TBC1D8: variants seen among roughly 807,000 people sequenced by gnomAD.
TBC1D8 encodes the protein TBC1 domain family member 8, also known as BUB2-like protein 1.
Under a neutral mutation model 118.8 loss-of-function variants are expected in TBC1D8, and 65 were observed. The ratio of observed to expected loss-of-function variants is 0.55; its 90% CI spans 0.45 to 0.67. TBC1D8 has a LOEUF of 0.67. TBC1D8 is among the 30% of genes least tolerant of loss of function. The pLI is 0.00. For synonymous variants in TBC1D8, 566 were observed against 595.8 expected (o/e 0.95, Z 0.73); for missense variants, 1,376 against 1,471.2 (o/e 0.94, Z 1.06).
At chr2:101,136,098 G>T (rs187619989) in intron 1 of TBC1D8, among the ~76,000 whole-genome samples, 9 of 152,064 alleles carry the variant, frequency 5.9e-5, no homozygotes, top group African/African-American at 2.2e-4. Context: ...AAGTGATCCG[G>T]CAGCCTCTGC....
intron 17 of TBC1D8, chr2:101,019,099 T>C: frequency 1.3e-6 from 2 of 1,572,362 alleles, no homozygotes; most frequent in Non-Finnish European, 1.7e-6. Context: ...CTTCCTGAGC[T>C]GCAGCAGATG....
At chr2:101,133,700 T>C (rs1296255730) in intron 1 of TBC1D8, among the ~76,000 whole-genome samples, 12 of 152,178 alleles carry the variant, frequency 7.9e-5, no homozygotes, top group African/African-American at 1.9e-4. Context: ...CCAAGGAATC[T>C]ACCTCCAGTA....
chr2:101,033,798 T>G (rs1289604926), intron 9 of TBC1D8, 40 bp from the exon 10 acceptor site: 1 of 1,584,686 alleles, frequency 6.3e-7, no homozygotes, highest in East Asian at 2.3e-5. Context: ...GAATGATTAC[T>G]AGGATGGTGT....
At chr2:101,058,590 A>G (rs1682574751) in intron 3 of TBC1D8, among the ~76,000 whole-genome samples, 1 of 152,216 alleles carries the variant, frequency 6.6e-6, no homozygotes, top group Non-Finnish European at 1.5e-5. Flanking sequence ...TGTAACTCAC[A>G]GGAGGTATCA....
At chr2:101,140,643 T>A (rs1315730302) in intron 1 of TBC1D8, among the ~76,000 whole-genome samples, 4 of 151,952 alleles carry the variant, frequency 2.6e-5, no homozygotes, top group Admixed American at 6.6e-5. Flanking sequence ...ACACAAACAG[T>A]CCCCTTATTC....
chr2:101,033,211 G>A (rs1431468516), intron 10 of TBC1D8, among the ~76,000 whole-genome samples: 1 of 151,556 alleles, frequency 6.6e-6, no homozygotes, highest in Non-Finnish European at 1.5e-5. Context: ...GCGACTCCCT[G>A]GTTCAAGTGA....
intron 1 of TBC1D8, among the ~76,000 whole-genome samples, chr2:101,123,956 T>C (rs935309918): frequency 6.6e-6 from 1 of 152,200 alleles, no homozygotes; most frequent in African/African-American, 2.4e-5. Flanking sequence ...AGTTTTATTA[T>C]GTAGGCAGGA....
intron 4 of TBC1D8, among the ~76,000 whole-genome samples, chr2:101,052,173 G>A (rs755259070): frequency 6.6e-6 from 1 of 152,178 alleles, no homozygotes; most frequent in Non-Finnish European, 1.5e-5. Context: ...TCATGATCTC[G>A]TTCAGAGAAA....
At chr2:101,015,829 T>C (rs1174595965) in intron 17 of TBC1D8, among the ~76,000 whole-genome samples, 1 of 152,176 alleles carries the variant, frequency 6.6e-6, no homozygotes, top group African/African-American at 2.4e-5. Flanking sequence ...GGGAAAGGAT[T>C]CCCTATTTAA....
At chr2:101,118,936 G>A (rs781418582) in intron 1 of TBC1D8, among the ~76,000 whole-genome samples, 1 of 152,088 alleles carries the variant, frequency 6.6e-6, no homozygotes, top group Non-Finnish European at 1.5e-5. Flanking sequence ...ACTTAAGCCT[G>A]GAGGCAGAGG....
chr2:101,101,880 C>T (rs1280703714), intron 1 of TBC1D8, among the ~76,000 whole-genome samples: 1 of 151,948 alleles, frequency 6.6e-6, no homozygotes, highest in Non-Finnish European at 1.5e-5. Context: ...GAACAACACA[C>T]ACCAGAGCCT....
chr2:101,090,564 CT>C (rs1176658443), intron 1 of TBC1D8, among the ~76,000 whole-genome samples, 200 bp from the exon 2 acceptor site: 2 of 152,248 alleles, frequency 1.3e-5, no homozygotes, highest in African/African-American at 4.8e-5. Flanking sequence ...GGACCTGCCC[CT>C]GACAGGCACT....
At chr2:101,039,900 T>C (rs775151594) in intron 6 of TBC1D8, among the ~76,000 whole-genome samples, 7 of 152,148 alleles carry the variant, frequency 4.6e-5, no homozygotes, top group Non-Finnish European at 1.0e-4. Context: ...ATAACAGCTT[T>C]ATCAATAATG....
chr2:101,109,618 A>G (rs1182162522), intron 1 of TBC1D8, among the ~76,000 whole-genome samples: 1 of 152,048 alleles, frequency 6.6e-6, no homozygotes, highest in African/African-American at 2.4e-5. Flanking sequence ...ATAAAAAAAA[A>G]ATACTGCTGT....
intron 4 of TBC1D8, among the ~76,000 whole-genome samples, chr2:101,052,928 TTTA>T (rs1459998727): frequency 6.6e-6 from 1 of 152,194 alleles, no homozygotes; most frequent in African/African-American, 2.4e-5. Flanking sequence ...TAAAAACTCT[TTTA>T]TACACAGGTA....
intron 2 of TBC1D8, among the ~76,000 whole-genome samples, chr2:101,059,826 C>T (rs899486487): frequency 1.3e-5 from 2 of 152,170 alleles, no homozygotes; most frequent in African/African-American, 4.8e-5. Flanking sequence ...GTAGTCCCAG[C>T]TACTCGGGAG....
Position 101,054,275 on chromosome 2 carries a change from A to G in TBC1D8, c.464T>C (p.Phe155Ser). The change falls in exon 4 of 20, where the codon TTC becomes TCC. Residue 155 changes from phenylalanine (F) to serine (S), a missense_variant. By Grantham distance (155) the Phe-to-Ser change is radical. Coordinates refer to ENST00000409318, the MANE Select transcript of TBC1D8 (RefSeq NM_001330348.2). ...LAEQEEEPEK[F>S]REALVKFEAR... ...CTCGAACTTCACCAGGGCTTCTCGG[A>G]ATTTCTCGGGTTCCTCCTCCTGCTC... The G allele has an allele frequency of 6.3e-7, 1 of 1,595,238 alleles. No individual in the cohort carries two copies. The highest frequency in any genetic ancestry group is 2.3e-5 in the East Asian group (1 of 44,026).
At chr2:101,046,841 G>A (rs940039380) in intron 5 of TBC1D8, among the ~76,000 whole-genome samples, 3 of 152,152 alleles carry the variant, frequency 2.0e-5, no homozygotes, top group East Asian at 1.9e-4. Flanking sequence ...GAAAGAGCCT[G>A]CCTCGTGGGA....
intron 2 of TBC1D8, among the ~76,000 whole-genome samples, chr2:101,086,193 C>T (rs1157344271): frequency 6.7e-6 from 1 of 149,870 alleles, no homozygotes; most frequent in East Asian, 1.9e-4. Context: ...TTAAAAGCAG[C>T]AAGGTATAGA....
Sources: allele counts gnomAD v4.1 joint callset (sites outside exome capture counted in the v4.1 genomes callset), GRCh38; gene constraint gnomAD v4.1.1; transcripts MANE v1.5; gene names NCBI Gene and HGNC (gene_info 2026-07-23, HGNC 2026-07-21).